UNC13C: variants seen among roughly 807,000 people sequenced by gnomAD.
The protein encoded by UNC13C is unc-13 homolog C.
Under a neutral mutation model 245.4 loss-of-function variants are expected in UNC13C, and 174 were observed. That is an observed-to-expected ratio of 0.71 (90% confidence interval 0.63 to 0.80). UNC13C has a LOEUF of 0.80. UNC13C is among the 30% of genes least tolerant of loss of function. The pLI, the probability that UNC13C is intolerant of heterozygous loss-of-function variation, is 0.00. For synonymous variants in UNC13C, 992 were observed against 895.1 expected (o/e 1.11, Z -1.93); for missense variants, 2,829 against 2,602.9 (o/e 1.09, Z -1.89).
intron 4 of UNC13C, among the ~76,000 whole-genome samples, chr15:54,213,474 G>T (rs116587404): frequency 6.6e-6 from 1 of 152,092 alleles, no homozygotes; most frequent in African/African-American, 2.4e-5. Context: ...TGCAATGGTA[G>T]CATGGTGAAA....
chr15:54,256,015 A>G lies in UNC13C; in HGVS notation c.3448+5571A>G, dbSNP rs571497048. 2.0e-5 allele frequency among the ~76,000 whole-genome samples: 3 copies of G among 152,312 alleles called. No homozygotes were observed. The East Asian group carries it at 5.8e-4, about 29-fold the overall frequency. On this transcript the variant is annotated intron_variant, in intron 8 of 32. Coordinates refer to ENST00000260323, the MANE Select transcript of UNC13C (RefSeq NM_001080534.3). ...ATGCCGTAGAGGTATTCTATATAAC[A>G]TACTCAATGGATATCAATGCATGTT...
chr15:54,264,249 T>C lies in UNC13C; in HGVS notation c.3530T>C (p.Ile1177Thr). 6.3e-7 allele frequency: 1 copy of C among 1,598,090 alleles called. No homozygotes were observed. The highest frequency in any genetic ancestry group is 1.1e-5 in the South Asian group (1 of 87,850). Residue 1177 changes from isoleucine (I) to threonine (T), a missense_variant, in exon 9 of 33, where the codon ATC (isoleucine) becomes ACC (threonine). By Grantham distance (89) the Ile-to-Thr change is moderately conservative. Transcript: ENST00000260323. ...IITAMKERMK[I>T]REKNRPEVFE... ...ACAGCAATGAAAGAAAGAATGAAGA[T>C]CAGGGAGAAAAACCGGCCAGAAGTA... is the stretch of plus-strand genomic sequence containing the variant.
At chr15:54,600,762 T>A (rs1206187679) in intron 30 of UNC13C, among the ~76,000 whole-genome samples, 1 of 152,068 alleles carries the variant, frequency 6.6e-6, no homozygotes, top group Non-Finnish European at 1.5e-5. Flanking sequence ...CATACATAGA[T>A]CATTTATTCA....
At chr15:53,886,616 T>A in the UNC13C span, among the ~76,000 whole-genome samples, 1 of 152,146 alleles carries the variant, frequency 6.6e-6, no homozygotes, top group African/African-American at 2.4e-5. Flanking sequence ...GCAGTATAAT[T>A]CTTCACTCCT....
chr15:54,188,035 C>G (rs967732497), intron 4 of UNC13C, among the ~76,000 whole-genome samples: 1 of 152,076 alleles, frequency 6.6e-6, no homozygotes, highest in African/African-American at 2.4e-5. Flanking sequence ...TGAGGCTGGT[C>G]TGGAACTCCT....
intron 19 of UNC13C, among the ~76,000 whole-genome samples, chr15:54,450,716 TC>T (rs1891124762): frequency 6.6e-6 from 1 of 152,202 alleles, no homozygotes; most frequent in South Asian, 2.1e-4. Flanking sequence ...CCCTTGCGCT[TC>T]CCGGTTGAGG....
intron 4 of UNC13C, among the ~76,000 whole-genome samples, chr15:54,224,526 G>A (rs562549569): frequency 2.6e-5 from 4 of 151,972 alleles, no homozygotes; most frequent in Non-Finnish European, 4.4e-5. Flanking sequence ...TGTTGAATTC[G>A]GTTTGCTAGT....
chr15:54,372,700 T>C (rs2039515502), intron 17 of UNC13C, among the ~76,000 whole-genome samples: 1 of 152,208 alleles, frequency 6.6e-6, no homozygotes, highest in African/African-American at 2.4e-5. Context: ...TTTGTAACTG[T>C]TTGTTTTACT....
At chr15:53,876,840 A>G in the UNC13C span, among the ~76,000 whole-genome samples, 5 of 152,222 alleles carry the variant, frequency 3.3e-5, no homozygotes, top group Non-Finnish European at 7.3e-5. Flanking sequence ...ACAGAGATGA[A>G]TAAGATAAAG....
chr15:54,527,319 G>GACT (rs1895514398), intron 25 of UNC13C, among the ~76,000 whole-genome samples: 3 of 152,068 alleles, frequency 2.0e-5, no homozygotes, highest in Admixed American at 2.0e-4. Flanking sequence ...ATTAACATGG[G>GACT]GTTAGCAGAA....
intron 17 of UNC13C, among the ~76,000 whole-genome samples, chr15:54,374,255 C>T (rs2039556479): frequency 1.3e-5 from 2 of 152,198 alleles, no homozygotes; most frequent in African/African-American, 4.8e-5. Flanking sequence ...CCCCCAGCTT[C>T]AGGCCTTCCC....
intron 4 of UNC13C, among the ~76,000 whole-genome samples, chr15:54,205,582 G>A (rs1320654874): frequency 2.0e-5 from 3 of 151,918 alleles, no homozygotes; most frequent in African/African-American, 7.2e-5. Context: ...AATCGATGAT[G>A]GGTCAAATCC....
At chr15:54,106,660 C>T (rs1222126779) in intron 2 of UNC13C, among the ~76,000 whole-genome samples, 1 of 152,184 alleles carries the variant, frequency 6.6e-6, no homozygotes, top group Non-Finnish European at 1.5e-5. Context: ...ATTTCCCCCA[C>T]CAAATTTATT....
chr15:53,866,282 A>G, the UNC13C span, among the ~76,000 whole-genome samples: 6 of 152,210 alleles, frequency 3.9e-5, no homozygotes, highest in Non-Finnish European at 5.9e-5. Flanking sequence ...TCACTTCAGA[A>G]GGCAGATGAA....
chr15:54,058,173 G>T (rs1466279467), intron 2 of UNC13C, among the ~76,000 whole-genome samples: 2 of 152,070 alleles, frequency 1.3e-5, no homozygotes, highest in African/African-American at 2.4e-5. Context: ...GAATCCAGGA[G>T]CTGTTTTTTT....
intron 1 of UNC13C, among the ~76,000 whole-genome samples, chr15:53,986,237 C>G (rs1894135878): frequency 6.6e-6 from 1 of 151,970 alleles, no homozygotes; most frequent in South Asian, 2.1e-4. Context: ...TCTTGAAGTC[C>G]TTGTTTGAAC....
chr15:54,630,803 C>A (rs986229662), downstream of UNC13C: 8 of 151,162 alleles, frequency 5.3e-5, no homozygotes, highest in African/African-American at 1.7e-4. Flanking sequence ...GAAGGAGAAT[C>A]AATTCCAATT....
chr15:53,854,853 G>A, the UNC13C span, among the ~76,000 whole-genome samples: 3 of 152,114 alleles, frequency 2.0e-5, no homozygotes, highest in Non-Finnish European at 2.9e-5. Context: ...TAGTTTAATG[G>A]AGATGGCATT....
At position 54,012,874 on chromosome 15, in the gene UNC13C, G is replaced by T; in HGVS notation, c.-30G>T. On this transcript the variant is annotated 5_prime_UTR_variant, in exon 2 of 33. Transcript: ENST00000260323. ...ATCCTGATACTTGTTTACTTTTCTG[G>T]GGCAGAAAAGCTTGCACTAATTGCT... 1 of 1,502,860 alleles carries T rather than the reference G, an allele frequency of 6.7e-7. No individual in the cohort carries two copies. The highest frequency in any genetic ancestry group is 1.3e-5 in the South Asian group (1 of 77,060). The allele number at this position is 1,502,860 out of a possible 1,614,324, so 93.1% of individuals were successfully genotyped here.
Sources: gnomAD v4.1 joint callset for allele counts (sites outside exome capture counted in the v4.1 genomes callset) on GRCh38, gnomAD v4.1.1 for gene constraint, MANE v1.5 for transcripts, NCBI Gene and HGNC (gene_info 2026-07-23, HGNC 2026-07-21) for gene names.